The following ZZZ3 variants were observed in gnomAD, a reference collection of about 807,000 sequenced individuals.
ZZZ3 encodes ZZ-type zinc finger-containing protein 3.
In ZZZ3, 22 loss-of-function variants were observed where a neutral mutation model predicts 95.2. That is an observed-to-expected ratio of 0.23 (90% CI 0.17 to 0.33). ZZZ3 has a LOEUF of 0.33. Among genes scored for constraint, ZZZ3 ranks in the 10% least tolerant of loss-of-function variants. ZZZ3 has a pLI of 1.00. For missense variants in ZZZ3, 885 were observed against 1,066.5 expected (o/e 0.83, Z 2.37); for synonymous variants, 335 against 358.9 (o/e 0.93, Z 0.75).
intron 4 of ZZZ3, among the ~76,000 whole-genome samples, chr1:77,633,981 C>T (rs987211142): frequency 1.3e-5 from 2 of 151,976 alleles, no homozygotes; most frequent in Non-Finnish European, 2.9e-5. Context: ...ACCAGCCTGA[C>T]CAACATGGTG....
At chr1:77,609,060 C>A (rs931914435) in intron 5 of ZZZ3, among the ~76,000 whole-genome samples, 1 of 151,946 alleles carries the variant, frequency 6.6e-6, no homozygotes, top group African/African-American at 2.4e-5. Flanking sequence ...TGTAAATGGA[C>A]TAAATTCTCC....
At chr1:77,671,060 C>T (rs1043793762) in intron 1 of ZZZ3, among the ~76,000 whole-genome samples, 6 of 151,484 alleles carry the variant, frequency 4.0e-5, no homozygotes, top group African/African-American at 1.2e-4. Flanking sequence ...TCTGTGAGGA[C>T]ATCTGCCAGC....
intron 5 of ZZZ3, among the ~76,000 whole-genome samples, chr1:77,613,489 A>G (rs1570505993): frequency 6.6e-6 from 1 of 151,904 alleles, no homozygotes; most frequent in Non-Finnish European, 1.5e-5. Context: ...TCTATTTTTA[A>G]ACGCTGCTTC....
Position 77,579,533 on chromosome 1 carries a change from T to C in ZZZ3, c.2076A>G (p.Ala692=). 6.2e-7 allele frequency: 1 copy of C among 1,601,328 alleles called. No homozygotes were observed. The highest frequency in any genetic ancestry group is 8.5e-7 in the Non-Finnish European group (1 of 1,174,548). ...CAGTCATCTCCTCAATTACCTGTTT[T>C]GCTGTCCTGTTGCCCAATTCATCTG... is the stretch of plus-strand genomic sequence containing the variant. ...KIADELGNRT[A]KQVASRVQKY... Residue 692 remains alanine (A), a synonymous_variant, in exon 10 of 15, where the codon GCA becomes GCG. Coordinates refer to ENST00000370801, the MANE Select transcript of ZZZ3 (RefSeq NM_015534.6).
chr1:77,592,979 T>G (rs1291783858), intron 5 of ZZZ3, among the ~76,000 whole-genome samples: 2 of 152,202 alleles, frequency 1.3e-5, no homozygotes, highest in Admixed American at 1.3e-4. Flanking sequence ...TGGGGCACTT[T>G]TGCCTGGAGC....
chr1:77,633,154 T>C lies in ZZZ3; in HGVS notation c.201A>G (p.Arg67=), dbSNP rs760735594. The C allele has an allele frequency of 8.7e-6, 14 of 1,613,846 alleles. No individual in the cohort carries two copies. The highest frequency in any genetic ancestry group is 1.7e-5 in the Admixed American group (1 of 59,956). The change falls in exon 5 of 15, where the codon AGA becomes AGG. Residue 67 remains arginine (R), a synonymous_variant. Transcript: ENST00000370801. The part of the protein sequence containing the change: ...VPIQKGNNNG[R]TTDLKQQSTR... ...TACTCTGCTGTTTTAAATCAGTGGT[T>C]CTCCCATTATTATTTCCTTTCTGAA...
In ZZZ3 at chr1:77,611,409, G is replaced by A. The variant is rs118031310; in HGVS notation, c.1505+20441C>T. ...TACTATTAAAATGTCCATACTACTCGAAGCAACCTACAGATTTAATGCAAT... is the reference window on the plus strand; with the variant it reads ...TACTATTAAAATGTCCATACTACTCAAAGCAACCTACAGATTTAATGCAAT... On this transcript the variant is annotated intron_variant, in intron 5 of 14. Coordinates refer to ENST00000370801, the MANE Select transcript of ZZZ3 (RefSeq NM_015534.6). 5.8e-3 allele frequency among the ~76,000 whole-genome samples: 880 copies of A among 151,834 alleles called. 16 individuals are homozygous for A. Among genetic ancestry groups the A allele is most frequent in the East Asian group, 0.031 (158 of 5,170 alleles).
intron 1 of ZZZ3, among the ~76,000 whole-genome samples, chr1:77,669,365 T>C (rs1436789707): frequency 1.3e-5 from 2 of 152,162 alleles, no homozygotes; most frequent in Non-Finnish European, 2.9e-5. Flanking sequence ...AACACTACTG[T>C]TCACATCACT....
chr1:77,673,724 A>G (rs1671996882), intron 1 of ZZZ3, among the ~76,000 whole-genome samples: 2 of 152,122 alleles, frequency 1.3e-5, no homozygotes, highest in African/African-American at 2.4e-5. Flanking sequence ...ACACACCACA[A>G]TGTTGTACTG....
chr1:77,608,631 G>A (rs949157476), intron 5 of ZZZ3, among the ~76,000 whole-genome samples: 1 of 152,160 alleles, frequency 6.6e-6, no homozygotes, highest in African/African-American at 2.4e-5. Context: ...ACTGTGGTGT[G>A]TAAGCTACTC....
At chr1:77,627,990 T>C (rs1250979988) in intron 5 of ZZZ3, among the ~76,000 whole-genome samples, 1 of 152,220 alleles carries the variant, frequency 6.6e-6, no homozygotes, top group Non-Finnish European at 1.5e-5. Flanking sequence ...AAGTTTATTT[T>C]CCAGTGATTA....
chr1:77,624,852 G>A (rs919595375), intron 5 of ZZZ3, among the ~76,000 whole-genome samples: 1 of 152,132 alleles, frequency 6.6e-6, no homozygotes, highest in Admixed American at 6.5e-5. Flanking sequence ...TTGTAGGATG[G>A]AGACCTTAAC....
chr1:77,645,227 CT>C (rs1669149574), intron 1 of ZZZ3: 1 of 152,104 alleles, frequency 6.6e-6, no homozygotes, highest in Admixed American at 6.6e-5. Context: ...AGCCCTGTCT[CT>C]AAAAAATTAA....
chr1:77,564,699 G>T lies in ZZZ3; in HGVS notation c.*941C>A, dbSNP rs1298666304. 1 of 152,540 alleles carries T rather than the reference G, an allele frequency of 6.6e-6. No individual in the cohort carries two copies. Among genetic ancestry groups the T allele is most frequent in the Non-Finnish European group, 1.5e-5 (1 of 67,994 alleles). 9.4% of individuals were successfully genotyped at this position (152,540 alleles called of 1,614,324 possible). A position where few individuals can be genotyped will look rare whatever the true frequency, so the allele number is the denominator to read the frequency against. ...CTGTGCAGACTAAATTTAATCACTT[G>T]TTTAAATAGTAATAAAAATACAATC... On this transcript the variant is annotated 3_prime_UTR_variant, in exon 15 of 15. Coordinates refer to ENST00000370801, the MANE Select transcript of ZZZ3 (RefSeq NM_015534.6).
intron 5 of ZZZ3, among the ~76,000 whole-genome samples, chr1:77,620,936 G>A (rs1570530029): frequency 6.6e-6 from 1 of 152,164 alleles, no homozygotes; most frequent in South Asian, 2.1e-4. Context: ...ACAGAAAGAA[G>A]TGAGTCCAAA....
chr1:77,674,154 A>G (rs1479071980), intron 1 of ZZZ3, among the ~76,000 whole-genome samples: 1 of 152,180 alleles, frequency 6.6e-6, no homozygotes, highest in Non-Finnish European at 1.5e-5. Flanking sequence ...TAAAACAAAG[A>G]AGGCTTTTAT....
rs370099538 is a variant in ZZZ3, at chr1:77,565,689, C to T, written c.2663G>A (p.Gly888Asp). ...FLDRDYCVSQ[G>D]TSYNYLDPNY... ...TGGGTCAAGGTAATTGTAACTGGTG[C>T]CCTGAGACACACAGTAGTCTCTGTC... The change falls in exon 15 of 15, where the codon GGC becomes GAC. Residue 888 changes from glycine to aspartate, a missense_variant. This residue lies in a region of ZZZ3 where 221 missense variants were observed against 247.8 expected (regional missense o/e 0.89). Transcript: ENST00000370801. The T allele has an allele frequency of 5.6e-6, 9 of 1,613,778 alleles. No homozygotes were observed. Among genetic ancestry groups the T allele is most frequent in the Non-Finnish European group, 7.6e-6 (9 of 1,179,836 alleles).
At position 77,633,332 on chromosome 1, in the gene ZZZ3, C is replaced by G; in HGVS notation, c.23G>C (p.Arg8Pro). The change falls in exon 5 of 15, where the codon CGT becomes CCT. Residue 8 changes from arginine to proline, a missense_variant. Coordinates refer to ENST00000370801, the MANE Select transcript of ZZZ3 (RefSeq NM_015534.6). The stretch of plus-strand genomic sequence containing the variant: ...TAACCCCACTGTTGATCTTGTAACA[C>G]GAGTAGATCGGGAAGCAGCCATACT... Reference protein sequence around the residue: MAASRSTRVTRSTVGLNG... With the variant: MAASRSTPVTRSTVGLNG... The G allele has an allele frequency of 1.2e-6, 2 of 1,608,496 alleles. No individual in the cohort carries two copies. The highest frequency in any genetic ancestry group is 3.3e-4 in the Middle Eastern group (2 of 6,020).
chr1:77,617,193 A>T (rs1424722369), intron 5 of ZZZ3, among the ~76,000 whole-genome samples: 1 of 152,164 alleles, frequency 6.6e-6, no homozygotes, highest in Non-Finnish European at 1.5e-5. Context: ...AGTGGCACTT[A>T]GTACATTCAC....
Sources: gnomAD v4.1 joint callset for allele counts (sites outside exome capture counted in the v4.1 genomes callset) on GRCh38, gnomAD v4.1.1 for gene constraint, gnomAD v4.1.1 regional missense constraint, MANE v1.5 for transcripts, NCBI Gene and HGNC (gene_info 2026-07-23, HGNC 2026-07-21) for gene names.